RELN: variants seen among roughly 807,000 people sequenced by gnomAD.
RELN encodes the protein reelin.
A neutral mutation model predicts 427.6 loss-of-function variants in RELN; 108 were observed. That is an observed-to-expected ratio of 0.25 (90% CI 0.22 to 0.30). The LOEUF is 0.30. RELN is among the 10% of genes least tolerant of loss of function. The probability of loss-of-function intolerance (pLI) is 1.00; values close to 1 mark genes in which losing one functional copy is unlikely to be tolerated. For synonymous variants in RELN, 1,524 were observed against 1,513.4 expected (o/e 1.01, Z -0.16); for missense variants, 3,715 against 4,302.8 (o/e 0.86, Z 3.82).
chr7:103,959,226 A>G (rs900092866), intron 1 of RELN, among the ~76,000 whole-genome samples: 6 of 152,158 alleles, frequency 3.9e-5, no homozygotes, highest in South Asian at 4.1e-4. Flanking sequence ...TACAGGCTCG[A>G]GCCATCATGC....
intron 1 of RELN, among the ~76,000 whole-genome samples, chr7:103,949,317 T>C (rs1418307561): frequency 6.6e-6 from 1 of 151,900 alleles, no homozygotes. Context: ...TGTTTGTGCC[T>C]CCACCACCAA....
chr7:103,956,799 A>C lies in RELN; in HGVS notation c.226+32332T>G, dbSNP rs573221840. On this transcript the variant is annotated intron_variant, in intron 1 of 64. Coordinates refer to ENST00000428762, the MANE Select transcript of RELN (RefSeq NM_005045.4). ...GCAGTGTAGTCCTGGACCAAAAATAAAGAATGGAATCACTGGAATGTTAAA... is the reference window on the plus strand; with the variant it reads ...GCAGTGTAGTCCTGGACCAAAAATACAGAATGGAATCACTGGAATGTTAAA... 2.7e-3 allele frequency among the ~76,000 whole-genome samples: 407 copies of C among 152,310 alleles called. 1 individual carries two copies. Among genetic ancestry groups the C allele is most frequent in the African/African-American group, 9.2e-3 (383 of 41,564 alleles).
intron 46 of RELN, among the ~76,000 whole-genome samples, chr7:103,532,415 A>T (rs1338151873): frequency 1.3e-5 from 2 of 152,136 alleles, no homozygotes; most frequent in East Asian, 3.8e-4. Flanking sequence ...CCTATGTAAC[A>T]AACCTACACA....
rs1790211006 is a variant in RELN, at chr7:103,726,319, C to A, written c.753+1792G>T. ...GGACATCATCGCCATCATTCTCAAT[C>A]TGTTTCATTTTATTCCCTTTGAATC... On this transcript the variant is annotated intron_variant, in intron 7 of 64. Coordinates refer to ENST00000428762, the MANE Select transcript of RELN (RefSeq NM_005045.4). Among the ~76,000 whole-genome samples, 4 of 152,128 alleles carry A rather than the reference C, an allele frequency of 2.6e-5. No individual in the cohort carries two copies. The South Asian group carries it at 8.3e-4, about 32-fold the overall frequency.
intron 8 of RELN, among the ~76,000 whole-genome samples, chr7:103,718,209 A>G (rs1187345730): frequency 6.6e-6 from 1 of 152,094 alleles, no homozygotes; most frequent in Non-Finnish European, 1.5e-5. Flanking sequence ...CGTAGCATGT[A>G]CAGTACAGAA....
At chr7:103,638,728 C>A (rs1832635697) in intron 17 of RELN, among the ~76,000 whole-genome samples, 1 of 152,102 alleles carries the variant, frequency 6.6e-6, no homozygotes, top group Non-Finnish European at 1.5e-5. Context: ...TTCCATAAAA[C>A]CTCAGAAGGA....
In RELN at chr7:103,502,671, G is replaced by A. The variant is rs568813128; in HGVS notation, c.8489+345C>T. ...AAGGCAATAATGTGGAAAGTATATA[G>A]TGCACAGAGGTCCACAGTCTACAAG... On this transcript the variant is annotated intron_variant, in intron 52 of 64. Coordinates refer to ENST00000428762, the MANE Select transcript of RELN (RefSeq NM_005045.4). Among the ~76,000 whole-genome samples the A allele has an allele frequency of 2.0e-5, 3 of 152,290 alleles. No individual in the cohort carries two copies. The East Asian group carries it at 5.8e-4, about 29-fold the overall frequency.
chr7:103,887,222 C>A (rs1440836428), intron 2 of RELN, among the ~76,000 whole-genome samples: 3 of 152,140 alleles, frequency 2.0e-5, no homozygotes, highest in African/African-American at 7.2e-5. Context: ...CTATTTGACA[C>A]CCCAGACAGC....
intron 58 of RELN, 55 bp downstream of exon 58, chr7:103,491,898 C>CAAT (rs1562848683): frequency 1.4e-6 from 1 of 737,160 alleles, no homozygotes; most frequent in African/African-American, 2.4e-5. Context: ...ACACACACAA[C>CAAT]GATTTGGATG....
Position 103,566,261 on chromosome 7 carries a change from G to C in RELN, c.4899C>G (p.Leu1633=). 6.2e-7 allele frequency: 1 copy of C among 1,613,908 alleles called. No individual in the cohort carries two copies. The highest frequency in any genetic ancestry group is 8.5e-7 in the Non-Finnish European group (1 of 1,179,846). ...IQGGQVDIDC[L]SMDTALIFTE... ...TGAATATCAGAGCAGTATCCATAGA[G>C]AGACAGTCAATATCAACTTGACCTC... Residue 1633 remains leucine, a synonymous_variant, in exon 33 of 65, where the codon CTC becomes CTG. Transcript: ENST00000428762.
chr7:103,877,905 GAGTGC>G (rs1794521285), intron 2 of RELN, among the ~76,000 whole-genome samples: 1 of 147,140 alleles, frequency 6.8e-6, no homozygotes, highest in Non-Finnish European at 1.5e-5. Flanking sequence ...ACCCTGGCTG[GAGTGC>G]AGTGGTACAA....
intron 8 of RELN, among the ~76,000 whole-genome samples, chr7:103,707,674 T>C (rs1394373315): frequency 1.3e-5 from 2 of 152,084 alleles, no homozygotes; most frequent in African/African-American, 4.8e-5. Flanking sequence ...AATTTTTGTA[T>C]TCTTAGTAGA....
At chr7:103,642,349 G>GGTTTTTTTT (rs1562936417) in intron 16 of RELN, among the ~76,000 whole-genome samples, 1 of 112,736 alleles carries the variant, frequency 8.9e-6, no homozygotes, top group African/African-American at 3.5e-5. Context: ...ATTTCATAGT[G>GGTTTTTTTT]TTTTTTTTTT....
intron 2 of RELN, among the ~76,000 whole-genome samples, chr7:103,900,854 A>C (rs1003544806): frequency 6.6e-6 from 1 of 152,170 alleles, no homozygotes; most frequent in African/African-American, 2.4e-5. Flanking sequence ...AGATGGATCA[A>C]AAACTTAAAT....
Position 103,676,083 on chromosome 7 carries a change from C to A in RELN, c.1289+6033G>T, listed in dbSNP as rs927557671. ...AGTTTCTGCACAACAAAAGAAACTACCATCAGAGTGAACAGGCAACCTATA... is the reference window on the plus strand; with the variant it reads ...AGTTTCTGCACAACAAAAGAAACTAACATCAGAGTGAACAGGCAACCTATA... On this transcript the variant is annotated intron_variant, in intron 11 of 64. Transcript: ENST00000428762. Among the ~76,000 whole-genome samples, 13 of 152,048 alleles carry A rather than the reference C, an allele frequency of 8.5e-5. 1 individual carries two copies. The highest frequency in any genetic ancestry group is 1.8e-4 in the Non-Finnish European group (12 of 67,998).
chr7:103,867,811 G>GA (rs573073345), intron 2 of RELN, among the ~76,000 whole-genome samples: 3 of 151,716 alleles, frequency 2.0e-5, no homozygotes, highest in Admixed American at 6.6e-5. Context: ...TAGTAAGAGA[G>GA]AAAAAAAATG....
chr7:103,741,622 G>A (rs1790659801), intron 6 of RELN, among the ~76,000 whole-genome samples: 1 of 150,284 alleles, frequency 6.7e-6, no homozygotes, highest in Non-Finnish European at 1.5e-5. Flanking sequence ...AAGAGAAGAG[G>A]GAGGAGAGGG....
At chr7:103,507,628 G>C (rs1406426534) in intron 51 of RELN, among the ~76,000 whole-genome samples, 1 of 152,028 alleles carries the variant, frequency 6.6e-6, no homozygotes, top group East Asian at 1.9e-4. Context: ...AAGAACTAGA[G>C]AAGCAGGAGC....
intron 4 of RELN, among the ~76,000 whole-genome samples, chr7:103,771,792 T>C (rs1335733383): frequency 1.3e-5 from 2 of 152,186 alleles, no homozygotes; most frequent in African/African-American, 4.8e-5. Flanking sequence ...ATACATGTAA[T>C]GTATAATGAT....
Sources: allele counts gnomAD v4.1 joint callset (sites outside exome capture counted in the v4.1 genomes callset), GRCh38; gene constraint gnomAD v4.1.1; transcripts MANE v1.5; gene names NCBI Gene and HGNC (gene_info 2026-07-23, HGNC 2026-07-21).